CIMAP1D: variants seen among roughly 807,000 people sequenced by gnomAD.
CIMAP1D encodes protein CIMAP1D.
chr19:481,455 G>C, the CIMAP1D span, among the ~76,000 whole-genome samples: 1 of 120,324 alleles, frequency 8.3e-6, no homozygotes, highest in Non-Finnish European at 1.7e-5. Context: ...TGATGGGGAA[G>C]GATGATGGGA....
the CIMAP1D span, among the ~76,000 whole-genome samples, chr19:468,445 G>C: frequency 6.6e-6 from 1 of 152,148 alleles, no homozygotes; most frequent in Admixed American, 6.5e-5. Context: ...CTGGCAGGTC[G>C]CATGCTTAAG....
At chr19:480,542 GGAAGGATGATGGAGAACGATGATGGA>G in the CIMAP1D span, among the ~76,000 whole-genome samples, 11 of 99,054 alleles carry the variant, frequency 1.1e-4, no homozygotes, top group Non-Finnish European at 2.0e-4. Flanking sequence ...AGGATGATGG[GGAAGGATGATGGAGAACGATGATGGA>G]GAACGATGAT....
chr19:481,302 G>GGATGATGGAGAAC, the CIMAP1D span, among the ~76,000 whole-genome samples: 1 of 107,014 alleles, frequency 9.3e-6, no homozygotes, highest in Non-Finnish European at 2.0e-5. Flanking sequence ...ATGATGGGAA[G>GGATGATGGAGAAC]GATGATGGAG....
the CIMAP1D span, among the ~76,000 whole-genome samples, chr19:476,441 C>T: frequency 1.3e-5 from 2 of 152,124 alleles, no homozygotes; most frequent in African/African-American, 2.4e-5. Context: ...CCACACACCT[C>T]GGCCTCCCAA....
chr19:488,488 C>G, the CIMAP1D span, among the ~76,000 whole-genome samples: 1 of 152,250 alleles, frequency 6.6e-6, no homozygotes, highest in African/African-American at 2.4e-5. Context: ...CGCCACTGCA[C>G]TCCAGCCTGG....
the CIMAP1D span, among the ~76,000 whole-genome samples, chr19:484,139 CTTTTTTTT>C: frequency 7.7e-6 from 1 of 129,442 alleles, no homozygotes. Flanking sequence ...TTTTCTTTTT[CTTTTTTTT>C]TTTTTTTTTT....
At chr19:464,135 G>GT in the CIMAP1D span, 2 of 475,128 alleles carry the variant, frequency 4.2e-6, no homozygotes, top group East Asian at 5.5e-5. Flanking sequence ...CCTGCGGGGG[G>GT]CGGGCGGGGG....
the CIMAP1D span, among the ~76,000 whole-genome samples, chr19:470,278 C>T: frequency 2.7e-5 from 4 of 150,742 alleles, no homozygotes; most frequent in South Asian, 8.3e-4. Context: ...ACAGTCTCAG[C>T]TCACTGCAAG....
At chr19:475,628 C>T in the CIMAP1D span, among the ~76,000 whole-genome samples, 2 of 152,084 alleles carry the variant, frequency 1.3e-5, no homozygotes, top group South Asian at 2.1e-4. Context: ...CAGATGCCTC[C>T]GAGATTTAAA....
At chr19:479,240 C>T in the CIMAP1D span, among the ~76,000 whole-genome samples, 5 of 152,120 alleles carry the variant, frequency 3.3e-5, no homozygotes, top group African/African-American at 9.7e-5. Context: ...AATTGAAGCC[C>T]GTCAGTAACA....
At chr19:474,249 G>A in the CIMAP1D span, among the ~76,000 whole-genome samples, 10 of 152,148 alleles carry the variant, frequency 6.6e-5, 1 homozygote, top group South Asian at 6.2e-4. Context: ...AGCCGCCTCC[G>A]CACACGCGCC....
chr19:468,829 ACGCAG>A, the CIMAP1D span, among the ~76,000 whole-genome samples: 1 of 44,716 alleles, frequency 2.2e-5, no homozygotes, highest in Admixed American at 3.6e-4. Flanking sequence ...AGTCCGTGGC[ACGCAG>A]TGTGGCCCAG....
the CIMAP1D span, among the ~76,000 whole-genome samples, chr19:470,441 G>A: frequency 6.6e-6 from 1 of 151,910 alleles, no homozygotes; most frequent in African/African-American, 2.4e-5. Flanking sequence ...TCGATCTCCT[G>A]ACCTCGTGGT....
the CIMAP1D span, among the ~76,000 whole-genome samples, chr19:479,411 TGGGG>T: frequency 9.0e-5 from 3 of 33,332 alleles, no homozygotes; most frequent in African/African-American, 2.1e-4. Context: ...TTTTTTTTTT[TGGGG>T]GGGGGGGGGA....
the CIMAP1D span, among the ~76,000 whole-genome samples, chr19:465,246 CGGGT>C: frequency 2.0e-5 from 1 of 49,518 alleles, no homozygotes; most frequent in African/African-American, 8.1e-5. Flanking sequence ...GAAGGAGGGG[CGGGT>C]GGATGGGTGG....
chr19:473,895 C>A, the CIMAP1D span, among the ~76,000 whole-genome samples: 1 of 143,876 alleles, frequency 7.0e-6, no homozygotes, highest in East Asian at 2.0e-4. Flanking sequence ...GATACACGGT[C>A]ACAGATGGGG....
chr19:484,941 C>CG, the CIMAP1D span, among the ~76,000 whole-genome samples: 2 of 151,942 alleles, frequency 1.3e-5, no homozygotes, highest in African/African-American at 4.8e-5. Flanking sequence ...TAGGGAAGCC[C>CG]GGGGGAGGCG....
chr19:470,446 CG>C, the CIMAP1D span, among the ~76,000 whole-genome samples: 1 of 151,876 alleles, frequency 6.6e-6, no homozygotes, highest in African/African-American at 2.4e-5. Context: ...CTCCTGACCT[CG>C]TGGTCCACCC....
chr19:468,216 C>T, the CIMAP1D span, among the ~76,000 whole-genome samples: 1 of 152,066 alleles, frequency 6.6e-6, no homozygotes, highest in African/African-American at 2.4e-5. Flanking sequence ...AAATTTAAAA[C>T]TTAGCCAGAC....
Sources: gnomAD v4.1 joint callset for allele counts (sites outside exome capture counted in the v4.1 genomes callset) on GRCh38, gnomAD v4.1.1 for gene constraint, MANE v1.5 for transcripts, NCBI Gene and HGNC (gene_info 2026-07-23, HGNC 2026-07-21) for gene names.